GNB5: variants seen among roughly 807,000 people sequenced by gnomAD.
GNB5 encodes guanine nucleotide-binding protein subunit beta-5.
GNB5 carries 37 observed loss-of-function variants against 55.3 expected under a neutral mutation model. That is an observed-to-expected ratio of 0.67 (90% CI 0.51 to 0.88). The LOEUF (loss-of-function observed/expected upper bound fraction) is 0.88. Among genes scored for constraint, GNB5 ranks in the 40% least tolerant of loss-of-function variants. The probability of loss-of-function intolerance (pLI) is 0.00; values close to 1 mark genes in which losing one functional copy is unlikely to be tolerated. For missense variants in GNB5, 476 were observed against 515.3 expected (o/e 0.92, Z 0.74); for synonymous variants, 219 against 198.5 (o/e 1.10, Z -0.87).
In GNB5 at chr15:52,184,546, C is replaced by G. The variant is rs766715185; in HGVS notation, c.126+5G>C. ...ATAACTGAATTTTTTTTAAGTGGCA[C>G]TTACAATTTCTGCACATGTTGAACA... On this transcript the variant is annotated splice_donor_5th_base_variant and intron_variant, in intron 2 of 12. Transcript: ENST00000261837. The G allele has an allele frequency of 6.2e-7, 1 of 1,612,538 alleles. No homozygotes were observed. Among genetic ancestry groups the G allele is most frequent in the Non-Finnish European group, 8.5e-7 (1 of 1,178,966 alleles).
chr15:52,177,575 T>C (rs1291420332), intron 3 of GNB5, among the ~76,000 whole-genome samples: 1 of 148,764 alleles, frequency 6.7e-6, no homozygotes, highest in Non-Finnish European at 1.5e-5. Flanking sequence ...CACTTGAACC[T>C]GGGAGGTGGA....
intron 2 of GNB5, among the ~76,000 whole-genome samples, chr15:52,182,571 C>G (rs890828926): frequency 3.9e-5 from 6 of 152,152 alleles, no homozygotes; most frequent in Non-Finnish European, 8.8e-5. Context: ...TGTTAACTCC[C>G]ACTGAGGAAG....
chr15:52,135,495 A>G, intron 8 of GNB5, 118 bp downstream of exon 8: 1 of 906,042 alleles, frequency 1.1e-6, no homozygotes, highest in Non-Finnish European at 1.7e-6. Context: ...GTTGAGAACA[A>G]TTCCTGCAGC....
intron 9 of GNB5, among the ~76,000 whole-genome samples, chr15:52,131,612 T>G (rs1224791560): frequency 6.6e-6 from 1 of 152,202 alleles, no homozygotes; most frequent in East Asian, 1.9e-4. Context: ...TCTGTAGTAA[T>G]TTTCAGATTG....
At chr15:52,187,414 A>G (rs182788058) in intron 1 of GNB5, among the ~76,000 whole-genome samples, 47 of 152,186 alleles carry the variant, frequency 3.1e-4, no homozygotes, top group East Asian at 1.5e-3. Context: ...AGAGATTGCT[A>G]TGTTCTGGAG....
chr15:52,185,360 AATCTGTCAAGTGGAG>A, intron 1 of GNB5, among the ~76,000 whole-genome samples: 1 of 152,328 alleles, frequency 6.6e-6, no homozygotes, highest in Admixed American at 6.5e-5. Context: ...TGGTTTTGCT[AATCTGTCAAGTGGAG>A]ATCTTAAAAT....
At chr15:52,164,854 G>A (rs907151063) in intron 3 of GNB5, among the ~76,000 whole-genome samples, 5 of 152,112 alleles carry the variant, frequency 3.3e-5, no homozygotes, top group Non-Finnish European at 7.3e-5. Context: ...ACTGGGTTGA[G>A]GCTGAGATAG....
chr15:52,121,966 T>C lies in GNB5; in HGVS notation c.*791A>G, dbSNP rs2033281006. ...CTAATTCTACTAATAGGTTTTTAAA[T>C]AAGTTTACTATCTTGTGTTCCCACA... On this transcript the variant is annotated 3_prime_UTR_variant, in exon 13 of 13. Transcript: ENST00000261837. 1 of 152,204 alleles carries C rather than the reference T, an allele frequency of 6.6e-6. No homozygotes were observed. The highest frequency in any genetic ancestry group is 2.4e-5 in the African/African-American group (1 of 41,446). The allele number at this position is 152,204 out of a possible 1,614,324, so 9.4% of individuals were successfully genotyped here. A position where few individuals can be genotyped will look rare whatever the true frequency, so the allele number is the denominator to read the frequency against.
rs535188209 is a variant in GNB5, at chr15:52,146,082, G to A, written c.494+1377C>T. On this transcript the variant is annotated intron_variant, in intron 6 of 12. Coordinates refer to ENST00000261837, the MANE Select transcript of GNB5 (RefSeq NM_016194.4). ...CGCCATTCTCCTGCCTCAGCCTCCC[G>A]AGTAGCTGGGACTACAGGCACCCGC... is the stretch of plus-strand genomic sequence containing the variant. Among the ~76,000 whole-genome samples, 3 of 149,416 alleles carry A rather than the reference G, an allele frequency of 2.0e-5. No homozygotes were observed. In the South Asian group the frequency reaches 6.4e-4, roughly 32 times the overall value.
rs2141173669 is a variant in GNB5 at position 52,117,133 on chromosome 15, T to G, written c.*5624A>C. 1 of 136,776 alleles carries G rather than the reference T, an allele frequency of 7.3e-6. No individual in the cohort carries two copies. The highest frequency in any genetic ancestry group is 3.3e-5 in the African/African-American group (1 of 30,710). The allele number at this position is 136,776 out of a possible 1,614,324, so 8.5% of individuals were successfully genotyped here. ...TTTTAGTACAGACAGGGTTTCACCG[T>G]GTTAGCCAGGATGGTCTCGATCTCC... On this transcript the variant is annotated 3_prime_UTR_variant, in exon 13 of 13. Coordinates refer to ENST00000261837, the MANE Select transcript of GNB5 (RefSeq NM_016194.4).
In GNB5 at chr15:52,161,424, A is replaced by G. The variant is rs189039414; in HGVS notation, c.239-7348T>C. 3.9e-4 allele frequency among the ~76,000 whole-genome samples: 60 copies of G among 152,286 alleles called. No homozygotes were observed. In the East Asian group the frequency reaches 9.3e-3, roughly 24 times the overall value. On this transcript the variant is annotated intron_variant, in intron 3 of 12. Coordinates refer to ENST00000261837, the MANE Select transcript of GNB5 (RefSeq NM_016194.4). ...GCAATTCTCATGCCTCAGCCTCTCA[A>G]GCAGCTGGGATTACAGGCACGCGCT...
At chr15:52,179,435 C>A (rs1042031942) in intron 3 of GNB5, among the ~76,000 whole-genome samples, 1 of 152,158 alleles carries the variant, frequency 6.6e-6, no homozygotes, top group Non-Finnish European at 1.5e-5. Context: ...CACCCCACCC[C>A]CTGCCCTCCG....
chr15:52,178,348 C>G (rs2034692753), intron 3 of GNB5, among the ~76,000 whole-genome samples: 1 of 152,170 alleles, frequency 6.6e-6, no homozygotes, highest in African/African-American at 2.4e-5. Flanking sequence ...AGAAGGATTT[C>G]TGGGAAAACT....
chr15:52,173,720 C>T (rs1370663600), intron 3 of GNB5, among the ~76,000 whole-genome samples: 1 of 152,212 alleles, frequency 6.6e-6, no homozygotes, highest in Non-Finnish European at 1.5e-5. Flanking sequence ...ATCTTCTCTA[C>T]TCCCTATTCA....
chr15:52,147,174 T>C (rs1278000420), intron 6 of GNB5: 7 of 243,620 alleles, frequency 2.9e-5, no homozygotes, highest in Non-Finnish European at 5.6e-5. Flanking sequence ...TTGTTTTTTT[T>C]TTTTTTTTTT....
chr15:52,163,387 C>T (rs1415619036), intron 3 of GNB5, among the ~76,000 whole-genome samples: 4 of 152,160 alleles, frequency 2.6e-5, no homozygotes, highest in South Asian at 2.1e-4. Context: ...CGTCGTTCAG[C>T]GGGCCCCACT....
chr15:52,127,553 G>A (rs1373565255), intron 10 of GNB5, among the ~76,000 whole-genome samples: 4 of 151,888 alleles, frequency 2.6e-5, no homozygotes, highest in Non-Finnish European at 4.4e-5. Flanking sequence ...ATATACAGAA[G>A]TTTTAAATTT....
chr15:52,160,197 C>T (rs1331529174), intron 3 of GNB5, among the ~76,000 whole-genome samples: 2 of 152,222 alleles, frequency 1.3e-5, no homozygotes, highest in Non-Finnish European at 2.9e-5. Context: ...ATCCACCCGC[C>T]TCTGCCTCCC....
rs1025885754 is a variant in GNB5 at position 52,156,958 on chromosome 15, C to T, written c.239-2882G>A. On this transcript the variant is annotated intron_variant, in intron 3 of 12. Transcript: ENST00000261837. The stretch of plus-strand genomic sequence containing the variant: ...AATTCTTTTTTTTTTTTTTTTGAGA[C>T]GGAGTCTCGCTCGGTCGCCCAGGCT... 3.2e-3 allele frequency among the ~76,000 whole-genome samples: 448 copies of T among 141,056 alleles called. 1 individual carries two copies. The highest frequency in any genetic ancestry group is 0.011 in the African/African-American group (424 of 37,606). The allele number at this position is 141,056 out of a possible 152,430, so 92.5% of individuals were successfully genotyped here.
Sources: allele counts gnomAD v4.1 joint callset (sites outside exome capture counted in the v4.1 genomes callset), GRCh38; gene constraint gnomAD v4.1.1; transcripts MANE v1.5; gene names NCBI Gene and HGNC (gene_info 2026-07-23, HGNC 2026-07-21).